The following KIF2A variants were observed in gnomAD, a reference collection of about 807,000 sequenced individuals.
KIF2A encodes kinesin family member 2A.
KIF2A carries 22 observed loss-of-function variants against 100.2 expected under a neutral mutation model. The observed-to-expected ratio is 0.22, with a 90% CI of 0.16 to 0.31. The LOEUF (loss-of-function observed/expected upper bound fraction) is 0.31. KIF2A is among the 10% of genes least tolerant of loss of function. KIF2A has a pLI of 1.00. For missense variants in KIF2A, 495 were observed against 898.7 expected, an observed-to-expected ratio of 0.55 and a Z score of 5.74; for synonymous variants, 268 against 285.9, an observed-to-expected ratio of 0.94 and a Z score of 0.63.
In KIF2A at chr5:62,363,478, T is replaced by C. The variant is rs145662735; in HGVS notation, c.1262+158T>C. On this transcript the variant is annotated intron_variant, in intron 13 of 20. Coordinates refer to ENST00000407818, the MANE Select transcript of KIF2A (RefSeq NM_001098511.3). ...GTAAATGTGAGTGACAATTATTATA[T>C]TGATACTACATTACAAATATATTAG... Among the ~76,000 whole-genome samples the C allele has an allele frequency of 6.0e-4, 91 of 152,344 alleles. 1 individual carries two copies. In the East Asian group the frequency reaches 0.016, roughly 26 times the overall value.
chr5:62,376,414 G>T (rs898997974), intron 18 of KIF2A, among the ~76,000 whole-genome samples: 22 of 151,490 alleles, frequency 1.5e-4, no homozygotes, highest in African/African-American at 5.3e-4. Flanking sequence ...TTTTTTGTTT[G>T]TTTGTTTGTT....
intron 1 of KIF2A, among the ~76,000 whole-genome samples, chr5:62,316,346 AT>A (rs1745817921): frequency 1.3e-5 from 2 of 152,056 alleles, no homozygotes; most frequent in South Asian, 4.1e-4. Context: ...GAGGTGTTTT[AT>A]TTCTTGAAAT....
At chr5:62,343,091 C>T (rs906919255) in intron 1 of KIF2A, among the ~76,000 whole-genome samples, 1 of 152,134 alleles carries the variant, frequency 6.6e-6, no homozygotes, top group South Asian at 2.1e-4. Context: ...CTTTCCTCCC[C>T]CTTTTATCTT....
At chr5:62,329,315 C>T (rs1182698994) in intron 1 of KIF2A, among the ~76,000 whole-genome samples, 4 of 152,204 alleles carry the variant, frequency 2.6e-5, no homozygotes, top group African/African-American at 9.7e-5. Context: ...TCAGCTGAGA[C>T]ATTATTTATG....
chr5:62,347,046 C>T, intron 1 of KIF2A, 84 bp from the exon 2 acceptor site: 3 of 715,668 alleles, frequency 4.2e-6, no homozygotes, highest in Non-Finnish European at 2.3e-6. Flanking sequence ...TTTTTAATTT[C>T]CAAGTTATAA....
intron 1 of KIF2A, among the ~76,000 whole-genome samples, chr5:62,328,317 GT>G (rs1368452908): frequency 3.4e-4 from 20 of 58,248 alleles, no homozygotes; most frequent in Non-Finnish European, 7.1e-4. Context: ...CTAGTACTGT[GT>G]GGTTTTTTTT....
rs1228559324 is a variant in KIF2A, at chr5:62,385,471, T to C, written c.2150-13T>C. 1.3e-6 allele frequency: 2 copies of C among 1,552,618 alleles called. No individual in the cohort carries two copies. The highest frequency in any genetic ancestry group is 3.8e-5 in the Admixed American group (2 of 52,170). ...ATACAATACTTATTCCCTCTTTCTT[T>C]TCTTTTTCCAAGATAAAGTGAAATC... On this transcript the variant is annotated splice_polypyrimidine_tract_variant and intron_variant, in intron 20 of 20. Coordinates refer to ENST00000407818, the MANE Select transcript of KIF2A (RefSeq NM_001098511.3).
At position 62,366,397 on chromosome 5, in the gene KIF2A, T is replaced by A; in HGVS notation, c.1579-17T>A. 8.1e-7 allele frequency: 1 copy of A among 1,237,628 alleles called. No homozygotes were observed. Among genetic ancestry groups the A allele is most frequent in the East Asian group, 2.9e-5 (1 of 34,620 alleles). 76.7% of individuals were successfully genotyped at this position (1,237,628 alleles called of 1,614,324 possible). A position where few individuals can be genotyped will look rare whatever the true frequency, so the allele number is the denominator to read the frequency against. On this transcript the variant is annotated splice_polypyrimidine_tract_variant and intron_variant, in intron 15 of 20. Coordinates refer to ENST00000407818, the MANE Select transcript of KIF2A (RefSeq NM_001098511.3). ...TTATAACATTTTGTTTACCTTTGCATTTTTTTTTTCCTGTAGATTGCCACA... is the reference window on the plus strand; with the variant it reads ...TTATAACATTTTGTTTACCTTTGCAATTTTTTTTTCCTGTAGATTGCCACA...
intron 18 of KIF2A, among the ~76,000 whole-genome samples, chr5:62,374,475 T>C (rs1220373585): frequency 1.3e-5 from 2 of 152,032 alleles, no homozygotes; most frequent in African/African-American, 4.8e-5. Context: ...TTGTCTGATA[T>C]TAAAATTTGG....
In KIF2A at chr5:62,384,998, C is replaced by T. The variant is rs1208602794; in HGVS notation, c.2150-486C>T. Among the ~76,000 whole-genome samples, 3 of 152,008 alleles carry T rather than the reference C, an allele frequency of 2.0e-5. No individual in the cohort carries two copies. The East Asian group carries it at 5.8e-4, about 29-fold the overall frequency. On this transcript the variant is annotated intron_variant, in intron 20 of 20. Transcript: ENST00000407818. ...TATCTACTAAAAATACAAAAATTAG[C>T]TGAGCGGGTGGTGCACGCCTGTAAT...
At chr5:62,347,599 C>A (rs1316636537) in intron 2 of KIF2A, among the ~76,000 whole-genome samples, 3 of 151,822 alleles carry the variant, frequency 2.0e-5, no homozygotes, top group Admixed American at 6.6e-5. Flanking sequence ...AATTCTAAAT[C>A]TCATTTGTAA....
chr5:62,308,567 G>T, intron 1 of KIF2A: 1 of 702,246 alleles, frequency 1.4e-6, no homozygotes, highest in South Asian at 1.5e-5. Flanking sequence ...TGTGTGTATA[G>T]ACAATGTACA....
Position 62,352,620 on chromosome 5 carries a change from T to C in KIF2A, c.367T>C (p.Phe123Leu). 6.3e-7 allele frequency: 1 copy of C among 1,598,664 alleles called. No individual in the cohort carries two copies. Among genetic ancestry groups the C allele is most frequent in the Middle Eastern group, 1.7e-4 (1 of 6,036 alleles). Residue 123 changes from phenylalanine (F) to leucine (L), a missense_variant, in exon 5 of 21, where the codon TTT (phenylalanine) becomes CTT (leucine). Around this residue, in one of 10 missense-constraint regions of KIF2A, gnomAD observed 115 missense variants for 143.6 expected, o/e 0.80. Coordinates refer to ENST00000407818, the MANE Select transcript of KIF2A (RefSeq NM_001098511.3). ...VGSARARPSQ[F>L]PEQSSSAQQN... ...TTCAGCACGTGCACGGCCCAGTCAA[T>C]TTCCTGAACAGTCTTCCTCTGCACA...
intron 16 of KIF2A, among the ~76,000 whole-genome samples, chr5:62,368,496 G>C (rs902705540): frequency 6.6e-6 from 1 of 152,012 alleles, no homozygotes; most frequent in Non-Finnish European, 1.5e-5. Flanking sequence ...ATGTAATAGG[G>C]CCAGGCGCGG....
At chr5:62,347,331 TA>T in intron 2 of KIF2A, 107 bp downstream of exon 2, 1 of 638,162 alleles carries the variant, frequency 1.6e-6, no homozygotes, top group South Asian at 2.3e-5. Flanking sequence ...CATATATTTT[TA>T]TTATTCCTTG....
intron 1 of KIF2A, among the ~76,000 whole-genome samples, chr5:62,323,063 C>T (rs1746186019): frequency 6.6e-6 from 1 of 151,426 alleles, no homozygotes; most frequent in South Asian, 2.1e-4. Context: ...TCAAGACCAG[C>T]CTGACCAACA....
At chr5:62,378,930 A>G (rs1031259781) in intron 19 of KIF2A, among the ~76,000 whole-genome samples, 1 of 152,264 alleles carries the variant, frequency 6.6e-6, no homozygotes, top group Non-Finnish European at 1.5e-5. Context: ...CTAGAGTTTT[A>G]GTCAAACTGT....
intron 14 of KIF2A, among the ~76,000 whole-genome samples, chr5:62,364,605 A>G (rs1320060849): frequency 6.6e-6 from 1 of 152,238 alleles, no homozygotes. Flanking sequence ...TGGAAAGACT[A>G]AAATAAGGCA....
chr5:62,313,876 C>T (rs1235411221), intron 1 of KIF2A, among the ~76,000 whole-genome samples: 3 of 151,988 alleles, frequency 2.0e-5, no homozygotes, highest in Non-Finnish European at 2.9e-5. Context: ...ACTGCAGCCT[C>T]CAAGTCCTGG....
Sources: gnomAD v4.1 joint callset for allele counts (sites outside exome capture counted in the v4.1 genomes callset) on GRCh38, gnomAD v4.1.1 for gene constraint, gnomAD v4.1.1 regional missense constraint, MANE v1.5 for transcripts, NCBI Gene and HGNC (gene_info 2026-07-23, HGNC 2026-07-21) for gene names.